Variants in STXBP5L observed in about 807,000 individuals in gnomAD.
STXBP5L encodes syntaxin-binding protein 5-like.
In STXBP5L, 65 loss-of-function variants were observed where a neutral mutation model predicts 144.5. That is an observed-to-expected ratio of 0.45 (90% CI 0.37 to 0.55). The LOEUF is 0.55. STXBP5L is among the 20% of genes least tolerant of loss of function. The pLI is 0.00. For synonymous variants in STXBP5L, 505 were observed against 469.6 expected, an observed-to-expected ratio of 1.08 and a Z score of -0.97; for missense variants, 1,298 against 1,405.5, an observed-to-expected ratio of 0.92 and a Z score of 1.22.
intron 4 of STXBP5L, among the ~76,000 whole-genome samples, chr3:121,042,313 A>G (rs1260829571): frequency 6.6e-6 from 1 of 152,164 alleles, no homozygotes; most frequent in Non-Finnish European, 1.5e-5. Context: ...TTATAAAATT[A>G]TGGTGATGAG....
At chr3:121,299,958 C>T (rs1404054969) in intron 19 of STXBP5L, among the ~76,000 whole-genome samples, 2 of 121,064 alleles carry the variant, frequency 1.7e-5, no homozygotes, top group African/African-American at 6.4e-5. Context: ...CCAGCCTGGG[C>T]AACAGAGACC....
intron 3 of STXBP5L, among the ~76,000 whole-genome samples, chr3:120,991,648 G>A (rs757437063): frequency 3.0e-4 from 45 of 152,204 alleles, no homozygotes; most frequent in Middle Eastern, 3.2e-3. Flanking sequence ...ATACTGTGCA[G>A]CCATAAAAAA....
chr3:121,356,660 C>A (rs1219287440), intron 20 of STXBP5L, among the ~76,000 whole-genome samples: 5 of 152,188 alleles, frequency 3.3e-5, no homozygotes, highest in Non-Finnish European at 7.3e-5. Flanking sequence ...TGAGGCAATG[C>A]CCTGCCCTGC....
At chr3:121,100,527 A>G (rs1018922690) in intron 5 of STXBP5L, among the ~76,000 whole-genome samples, 11 of 152,278 alleles carry the variant, frequency 7.2e-5, no homozygotes, top group African/African-American at 2.4e-4. Flanking sequence ...GCAGAAATAA[A>G]AGAAATTATT....
chr3:121,016,382 A>G (rs1945148456), intron 3 of STXBP5L, among the ~76,000 whole-genome samples: 1 of 152,244 alleles, frequency 6.6e-6, no homozygotes, highest in Non-Finnish European at 1.5e-5. Flanking sequence ...GCAACATGGA[A>G]GATGACTAAT....
chr3:121,083,966 CT>C (rs1042699145), intron 5 of STXBP5L, among the ~76,000 whole-genome samples: 1 of 151,650 alleles, frequency 6.6e-6, no homozygotes, highest in Non-Finnish European at 1.5e-5. Flanking sequence ...ACTGTTTTTT[CT>C]TTTTTTCTCC....
intron 9 of STXBP5L, among the ~76,000 whole-genome samples, chr3:121,196,469 G>A (rs911772333): frequency 6.6e-6 from 1 of 151,700 alleles, no homozygotes; most frequent in African/African-American, 2.4e-5. Flanking sequence ...TAAAAACGGA[G>A]GTCTTTCCTT....
intron 9 of STXBP5L, among the ~76,000 whole-genome samples, chr3:121,176,030 G>T (rs575005869): frequency 5.9e-5 from 9 of 152,002 alleles, no homozygotes; most frequent in South Asian, 2.1e-4. Flanking sequence ...TGCTAACTGT[G>T]TATGTACCTA....
At chr3:120,985,785 C>A (rs948792628) in intron 3 of STXBP5L, among the ~76,000 whole-genome samples, 1 of 151,652 alleles carries the variant, frequency 6.6e-6, no homozygotes, top group East Asian at 1.9e-4. Context: ...TCATTTCTGA[C>A]TTTAGTAATT....
intron 5 of STXBP5L, among the ~76,000 whole-genome samples, chr3:121,052,113 C>T (rs897760123): frequency 2.0e-5 from 3 of 152,104 alleles, no homozygotes; most frequent in Non-Finnish European, 4.4e-5. Context: ...AAAAACAGTC[C>T]AGGACCAGAT....
chr3:121,299,409 A>G (rs1490512912), intron 19 of STXBP5L, among the ~76,000 whole-genome samples: 1 of 152,128 alleles, frequency 6.6e-6, no homozygotes, highest in Non-Finnish European at 1.5e-5. Flanking sequence ...CACCCTTTAT[A>G]CTTACTACCA....
rs2044282311 is a variant in STXBP5L at position 121,330,263 on chromosome 3, G to A, written c.2176+11723G>A. Among the ~76,000 whole-genome samples, 3 of 152,340 alleles carry A rather than the reference G, an allele frequency of 2.0e-5. No homozygotes were observed. In the South Asian group the frequency reaches 6.2e-4, roughly 32 times the overall value. ...GTGTGAAACCTGCCTTGCCAAGTAT[G>A]TGGGAGCTGGATGGGGCTTACTGCT... On this transcript the variant is annotated intron_variant, in intron 20 of 26. Coordinates refer to ENST00000471454, the MANE Select transcript of STXBP5L (RefSeq NM_001308330.2).
At chr3:121,381,684 C>A in intron 22 of STXBP5L, 152 bp downstream of exon 22, 1 of 982,172 alleles carries the variant, frequency 1.0e-6, no homozygotes, top group Non-Finnish European at 1.4e-6. Flanking sequence ...CATATACCAT[C>A]CCAACATCTG....
intron 22 of STXBP5L, among the ~76,000 whole-genome samples, chr3:121,405,410 C>T (rs1295211789): frequency 6.6e-6 from 1 of 151,984 alleles, no homozygotes; most frequent in African/African-American, 2.4e-5. Flanking sequence ...TTTATGAAGG[C>T]AGGGACTTTT....
intron 3 of STXBP5L, among the ~76,000 whole-genome samples, chr3:121,008,491 A>G (rs1404478632): frequency 6.6e-6 from 1 of 152,030 alleles, no homozygotes; most frequent in African/African-American, 2.4e-5. Flanking sequence ...TTCTACTTCT[A>G]CTTTTTGGTT....
chr3:121,092,460 G>A (rs1209367185), intron 5 of STXBP5L, among the ~76,000 whole-genome samples: 1 of 152,158 alleles, frequency 6.6e-6, no homozygotes, highest in African/African-American at 2.4e-5. Flanking sequence ...GCAGTGGTTT[G>A]TAGTTCTCCT....
At chr3:121,026,762 G>T (rs1945975022) in intron 3 of STXBP5L, among the ~76,000 whole-genome samples, 1 of 151,956 alleles carries the variant, frequency 6.6e-6, no homozygotes, top group African/African-American at 2.4e-5. Flanking sequence ...AAATCAGGAA[G>T]AGGTGGCAGA....
intron 19 of STXBP5L, among the ~76,000 whole-genome samples, chr3:121,299,969 T>G (rs2051820168): frequency 1.1e-5 from 1 of 94,104 alleles, no homozygotes; most frequent in African/African-American, 4.3e-5. Flanking sequence ...AACAGAGACC[T>G]GATCTCAAAA....
At chr3:121,075,217 T>C (rs1178711921) in intron 5 of STXBP5L, among the ~76,000 whole-genome samples, 1 of 152,174 alleles carries the variant, frequency 6.6e-6, no homozygotes, top group Non-Finnish European at 1.5e-5. Context: ...TCCTTTTCTC[T>C]CTCTGGACAT....
Sources: allele counts gnomAD v4.1 joint callset (sites outside exome capture counted in the v4.1 genomes callset), GRCh38; gene constraint gnomAD v4.1.1; transcripts MANE v1.5; gene names NCBI Gene and HGNC (gene_info 2026-07-23, HGNC 2026-07-21).